ADARB2: variants seen among roughly 807,000 people sequenced by gnomAD.
ADARB2 encodes adenosine deaminase RNA specific B2 (inactive), also known as inactive double-stranded RNA-specific editase B2.
Under a neutral mutation model 62.2 loss-of-function variants are expected in ADARB2, and 25 were observed. The ratio of observed to expected loss-of-function variants is 0.40; its 90% CI spans 0.29 to 0.56. ADARB2 has a LOEUF of 0.56. ADARB2 is among the 20% of genes least tolerant of loss of function. The pLI is 0.43. For synonymous variants in ADARB2, 572 were observed against 500.8 expected, an observed-to-expected ratio of 1.14 and a Z score of -1.90; for missense variants, 1,071 against 1,077.4, an observed-to-expected ratio of 0.99 and a Z score of 0.08.
intron 3 of ADARB2, among the ~76,000 whole-genome samples, chr10:1,356,115 T>C (rs1413276068): frequency 6.6e-6 from 1 of 152,172 alleles, no homozygotes; most frequent in Admixed American, 6.5e-5. Context: ...TTTCTGGCCG[T>C]CAGCACCTCT....
At chr10:1,278,601 CT>C (rs35497339) in intron 3 of ADARB2, among the ~76,000 whole-genome samples, 9,769 of 144,160 alleles carry the variant, frequency 0.068, 990 homozygotes, top group African/African-American at 0.22. Context: ...TGATTTCATT[CT>C]TTTTTTTTTT....
chr10:1,468,999 T>C (rs1831290316), intron 1 of ADARB2, among the ~76,000 whole-genome samples: 1 of 152,248 alleles, frequency 6.6e-6, no homozygotes, highest in South Asian at 2.1e-4. Flanking sequence ...TGGGGTCCCC[T>C]GATTGCTACC....
chr10:1,325,553 A>G (rs532184764), intron 3 of ADARB2, among the ~76,000 whole-genome samples: 23 of 152,314 alleles, frequency 1.5e-4, no homozygotes, highest in African/African-American at 5.1e-4. Context: ...GACTTCCTCC[A>G]TATTTAAATA....
intron 1 of ADARB2, among the ~76,000 whole-genome samples, chr10:1,654,533 C>A (rs1412730725): frequency 6.6e-6 from 1 of 152,218 alleles, no homozygotes; most frequent in Non-Finnish European, 1.5e-5. Flanking sequence ...TCCACCTGTG[C>A]AGTGTGCCCC....
At chr10:1,373,332 CCACA>C (rs756645955) in intron 2 of ADARB2, among the ~76,000 whole-genome samples, 17 of 150,340 alleles carry the variant, frequency 1.1e-4, no homozygotes, top group South Asian at 2.1e-4. Flanking sequence ...ACACACCCAC[CCACA>C]CACACACACA....
intron 1 of ADARB2, among the ~76,000 whole-genome samples, chr10:1,435,867 G>C (rs978398279): frequency 3.3e-5 from 5 of 152,140 alleles, no homozygotes; most frequent in Admixed American, 2.6e-4. Context: ...CGTTTCGAAG[G>C]GAAAATGATT....
chr10:1,368,988 G>A (rs1043054232), intron 2 of ADARB2, among the ~76,000 whole-genome samples: 3 of 152,328 alleles, frequency 2.0e-5, no homozygotes, highest in Non-Finnish European at 2.9e-5. Flanking sequence ...GTGGCGCTCT[G>A]GGCTCTGAGG....
chr10:1,458,295 C>T (rs1831122425), intron 1 of ADARB2, among the ~76,000 whole-genome samples: 1 of 152,180 alleles, frequency 6.6e-6, no homozygotes, highest in Admixed American at 6.5e-5. Flanking sequence ...CTTGCAGTTG[C>T]TGTCAATCTC....
chr10:1,248,241 CGTGCAGGAG>C (rs1441657601), intron 4 of ADARB2, among the ~76,000 whole-genome samples: 1 of 150,378 alleles, frequency 6.6e-6, no homozygotes, highest in African/African-American at 2.5e-5. Context: ...CACTCCCAGG[CGTGCAGGAG>C]GTGCAGGAAG....
rs563890238 is a variant in ADARB2, at chr10:1,717,315, C to A, written c.100+19736G>T. Among the ~76,000 whole-genome samples, 10 of 151,664 alleles carry A rather than the reference C, an allele frequency of 6.6e-5. No homozygotes were observed. The East Asian group carries it at 2.0e-3, about 30-fold the overall frequency. Reference sequence around the variant, plus strand: ...TGCACAGGGATCTGAGTCGGGGAAGCCCTGGGGACCCCAGGGCAGCTGGGC... The same window carrying A: ...TGCACAGGGATCTGAGTCGGGGAAGACCTGGGGACCCCAGGGCAGCTGGGC... On this transcript the variant is annotated intron_variant, in intron 1 of 9. Coordinates refer to ENST00000381312, the MANE Select transcript of ADARB2 (RefSeq NM_018702.4).
chr10:1,621,646 A>G (rs1833705089), intron 1 of ADARB2, among the ~76,000 whole-genome samples: 1 of 152,210 alleles, frequency 6.6e-6, no homozygotes, highest in Non-Finnish European at 1.5e-5. Context: ...AGCAACAACA[A>G]CAACAGTGAA....
intron 3 of ADARB2, among the ~76,000 whole-genome samples, chr10:1,271,635 CACACACAG>C (rs1831264123): frequency 6.6e-6 from 1 of 151,828 alleles, no homozygotes; most frequent in Non-Finnish European, 1.5e-5. Context: ...CACACATGCA[CACACACAG>C]ACACACACAT....
intron 6 of ADARB2, among the ~76,000 whole-genome samples, chr10:1,226,304 A>G (rs1247749158): frequency 6.6e-6 from 1 of 152,040 alleles, no homozygotes; most frequent in Non-Finnish European, 1.5e-5. Context: ...TCAGTTATCC[A>G]TTCATCTAAT....
At chr10:1,224,864 G>C (rs934460590) in intron 6 of ADARB2, among the ~76,000 whole-genome samples, 2 of 152,120 alleles carry the variant, frequency 1.3e-5, no homozygotes, top group African/African-American at 4.8e-5. Context: ...AGTAGGTGTG[G>C]TGTGGTGCTG....
intron 1 of ADARB2, among the ~76,000 whole-genome samples, chr10:1,619,680 G>A (rs1833685045): frequency 6.6e-6 from 1 of 152,100 alleles, no homozygotes; most frequent in South Asian, 2.1e-4. Flanking sequence ...TCAATATCTT[G>A]ACCTAGAGAT....
intron 8 of ADARB2, among the ~76,000 whole-genome samples, chr10:1,192,675 G>A (rs1010870648): frequency 2.6e-5 from 4 of 152,242 alleles, no homozygotes; most frequent in Non-Finnish European, 5.9e-5. Flanking sequence ...GGTTCGGCCT[G>A]GCACGGTGGC....
In ADARB2 at chr10:1,351,512, A is replaced by G. The variant is rs184109045; in HGVS notation, c.1077+11516T>C. ...TGCCCAGTTCCCTTATTAGGCCGAG[A>G]CACTTTAAATTATCTGCTTCCCTGA... is the stretch of plus-strand genomic sequence containing the variant. On this transcript the variant is annotated intron_variant, in intron 3 of 9. Transcript: ENST00000381312. Among the ~76,000 whole-genome samples the G allele has an allele frequency of 3.5e-3, 535 of 152,114 alleles. 2 individuals carry two copies. The highest frequency in any genetic ancestry group is 5.2e-3 in the Non-Finnish European group (352 of 68,016).
intron 1 of ADARB2, among the ~76,000 whole-genome samples, chr10:1,734,866 C>T (rs796613939): frequency 6.6e-5 from 10 of 152,270 alleles, no homozygotes; most frequent in African/African-American, 2.4e-4. Flanking sequence ...ACAATTAGAA[C>T]ATAATTTAAA....
intron 3 of ADARB2, among the ~76,000 whole-genome samples, chr10:1,352,811 C>G (rs1173324194): frequency 6.6e-6 from 1 of 152,170 alleles, no homozygotes; most frequent in African/African-American, 2.4e-5. Context: ...CCACATTATT[C>G]CAGATACCAC....
Sources: allele counts gnomAD v4.1 joint callset (sites outside exome capture counted in the v4.1 genomes callset), GRCh38; gene constraint gnomAD v4.1.1; transcripts MANE v1.5; gene names NCBI Gene and HGNC (gene_info 2026-07-23, HGNC 2026-07-21).